The following TLL1 variants were observed in gnomAD, a reference collection of about 807,000 sequenced individuals.
The protein encoded by TLL1 is tolloid-like protein 1.
In TLL1, 49 loss-of-function variants were observed where a neutral mutation model predicts 128.2. The observed-to-expected ratio is 0.38, with a 90% CI of 0.30 to 0.48. The LOEUF is 0.48. TLL1 is among the 20% of genes least tolerant of loss of function. The pLI is 0.96. For missense variants in TLL1, 1,123 were observed against 1,242.0 expected, an observed-to-expected ratio of 0.90 and a Z score of 1.44; for synonymous variants, 454 against 418.8, an observed-to-expected ratio of 1.08 and a Z score of -1.03.
At chr4:166,053,667 A>G (rs889693967) in intron 12 of TLL1, among the ~76,000 whole-genome samples, 8 of 152,208 alleles carry the variant, frequency 5.3e-5, no homozygotes, top group African/African-American at 1.9e-4. Context: ...TACCAACTAT[A>G]CTGGCAGTTT....
At chr4:166,024,203 A>C (rs990037402) in intron 8 of TLL1, among the ~76,000 whole-genome samples, 1 of 152,186 alleles carries the variant, frequency 6.6e-6, no homozygotes, top group Non-Finnish European at 1.5e-5. Context: ...GTACAAACAT[A>C]ATACCTATTT....
In TLL1 at chr4:166,006,342, G is replaced by A. The variant is rs76436123; in HGVS notation, c.812-1601G>A. 1.1e-3 allele frequency among the ~76,000 whole-genome samples: 163 copies of A among 151,788 alleles called. 4 individuals are homozygous for A. In the East Asian group the frequency reaches 0.027, roughly 25 times the overall value. ...TTTTCTGTTATTTGGGCTGTGTATG[G>A]CTATGTTGTTTTTAACTAACAAAAA... is the stretch of plus-strand genomic sequence containing the variant. On this transcript the variant is annotated intron_variant, in intron 6 of 20. Coordinates refer to ENST00000061240, the MANE Select transcript of TLL1 (RefSeq NM_012464.5).
At chr4:166,013,095 C>T (rs1446109919) in intron 7 of TLL1, among the ~76,000 whole-genome samples, 1 of 151,628 alleles carries the variant, frequency 6.6e-6, no homozygotes, top group African/African-American at 2.4e-5. Flanking sequence ...ACTGTACTGC[C>T]CGTTACCCAT....
intron 16 of TLL1, among the ~76,000 whole-genome samples, chr4:166,067,835 G>A (rs115094571): frequency 0.019 from 2,885 of 151,744 alleles, 40 homozygotes; most frequent in Non-Finnish European, 0.033. Context: ...ATATTTCTAT[G>A]ACAGATGAGG....
chr4:166,044,364 G>T (rs1428654687), intron 12 of TLL1: 2 of 1,535,404 alleles, frequency 1.3e-6, no homozygotes, highest in Admixed American at 2.0e-5. Flanking sequence ...TGTACCTGCA[G>T]CAGGAGCACC....
rs142385182 is a variant in TLL1, at chr4:165,931,465, T to C, written c.169+57392T>C. ...CAGGCGTGGTCATTCACACCTGTAA[T>C]CCCAGCACTTTGGGAGGCCAAGGCG... is the stretch of plus-strand genomic sequence containing the variant. On this transcript the variant is annotated intron_variant, in intron 1 of 20. Transcript: ENST00000061240. 1.2e-3 allele frequency among the ~76,000 whole-genome samples: 180 copies of C among 152,228 alleles called. 1 individual carries two copies. The highest frequency in any genetic ancestry group is 3.8e-3 in the African/African-American group (158 of 41,508).
intron 1 of TLL1, among the ~76,000 whole-genome samples, chr4:165,930,924 T>C (rs1407930650): frequency 1.3e-5 from 2 of 152,176 alleles, no homozygotes; most frequent in African/African-American, 4.8e-5. Context: ...ATGTTATTGG[T>C]TGTGTTAGGG....
chr4:165,905,209 AT>A (rs1046897439), intron 1 of TLL1, among the ~76,000 whole-genome samples: 3 of 152,222 alleles, frequency 2.0e-5, no homozygotes, highest in African/African-American at 7.2e-5. Flanking sequence ...ATTCGTATAC[AT>A]TTACCAAAGA....
intron 1 of TLL1, among the ~76,000 whole-genome samples, chr4:165,932,639 T>C (rs1190302729): frequency 7.4e-6 from 1 of 135,004 alleles, no homozygotes; most frequent in African/African-American, 3.2e-5. Context: ...GCTTCAGATT[T>C]TCTTCTTTTT....
chr4:165,942,370 C>T (rs1348220615), intron 1 of TLL1, among the ~76,000 whole-genome samples: 1 of 151,752 alleles, frequency 6.6e-6, no homozygotes, highest in African/African-American at 2.4e-5. Context: ...TCTCTGTCCA[C>T]CTTAGGCTGA....
At chr4:166,065,557 T>A in intron 15 of TLL1, 126 bp from the exon 16 acceptor site, 1 of 982,344 alleles carries the variant, frequency 1.0e-6, no homozygotes. Flanking sequence ...TTTTTTTCCT[T>A]ACCTGTTAGT....
At chr4:166,038,524 A>G (rs570154190) in intron 9 of TLL1, among the ~76,000 whole-genome samples, 83 of 152,002 alleles carry the variant, frequency 5.5e-4, no homozygotes, top group Middle Eastern at 3.4e-3. Flanking sequence ...CCTTTGCATC[A>G]GATAAGCATA....
chr4:165,961,956 C>G (rs1449980131), intron 1 of TLL1, among the ~76,000 whole-genome samples: 1 of 152,036 alleles, frequency 6.6e-6, no homozygotes, highest in East Asian at 1.9e-4. Flanking sequence ...ATCGAAGAAA[C>G]ATGACCTCAA....
At chr4:165,904,975 A>G (rs1474096564) in intron 1 of TLL1, among the ~76,000 whole-genome samples, 2 of 152,222 alleles carry the variant, frequency 1.3e-5, no homozygotes, top group Admixed American at 6.5e-5. Context: ...TCTTTAACCT[A>G]TTAGAACGTC....
At chr4:165,989,632 G>A in intron 2 of TLL1, 141 bp downstream of exon 2, 1 of 613,180 alleles carries the variant, frequency 1.6e-6, no homozygotes, top group Non-Finnish European at 2.8e-6. Context: ...ATTTAGAAAT[G>A]CAGGTTTTAT....
At chr4:165,955,264 A>G (rs186228523) in intron 1 of TLL1, among the ~76,000 whole-genome samples, 5 of 152,038 alleles carry the variant, frequency 3.3e-5, no homozygotes, top group Non-Finnish European at 5.9e-5. Context: ...AAATTATAAA[A>G]TGAACAAAAT....
intron 5 of TLL1, among the ~76,000 whole-genome samples, chr4:166,001,502 T>C (rs1430478984): frequency 6.6e-6 from 1 of 151,940 alleles, no homozygotes; most frequent in African/African-American, 2.4e-5. Flanking sequence ...AAACATCATT[T>C]TTTCTATCCA....
intron 5 of TLL1, among the ~76,000 whole-genome samples, chr4:166,002,433 T>C (rs1737213926): frequency 6.6e-6 from 1 of 152,088 alleles, no homozygotes; most frequent in Non-Finnish European, 1.5e-5. Flanking sequence ...TTGAAAATAA[T>C]GTTCTTTCCT....
intron 5 of TLL1, among the ~76,000 whole-genome samples, chr4:165,998,857 A>T (rs772789065): frequency 2.9e-4 from 44 of 151,972 alleles, no homozygotes; most frequent in Non-Finnish European, 5.0e-4. Flanking sequence ...ATTTTGTCCC[A>T]CTTAACATAC....
Sources: gnomAD v4.1 joint callset for allele counts (sites outside exome capture counted in the v4.1 genomes callset) on GRCh38, gnomAD v4.1.1 for gene constraint, MANE v1.5 for transcripts, NCBI Gene and HGNC (gene_info 2026-07-23, HGNC 2026-07-21) for gene names.